The following SLC36A1 variants were observed in gnomAD, a reference collection of about 807,000 sequenced individuals.
The protein encoded by SLC36A1 is proton-coupled amino acid transporter 1.
In SLC36A1, 30 loss-of-function variants were observed where a neutral mutation model predicts 47.5. The observed-to-expected ratio is 0.63, with a 90% CI of 0.47 to 0.86. SLC36A1 has a LOEUF of 0.86. Ranked by LOEUF, SLC36A1 falls within the 40% of genes least tolerant of loss-of-function variation. SLC36A1 has a pLI of 0.00. For synonymous variants in SLC36A1, 255 were observed against 249.7 expected, an observed-to-expected ratio of 1.02 and a Z score of -0.20; for missense variants, 517 against 606.0, an observed-to-expected ratio of 0.85 and a Z score of 1.54.
chr5:151,399,149 C>T, the SLC36A1 span, among the ~76,000 whole-genome samples: 3 of 136,234 alleles, frequency 2.2e-5, no homozygotes, highest in South Asian at 2.3e-4. Flanking sequence ...TGCAGTGGTG[C>T]GATTTCGGCT....
At chr5:151,481,567 TC>T (rs1758805824) in intron 10 of SLC36A1, among the ~76,000 whole-genome samples, 1 of 152,194 alleles carries the variant, frequency 6.6e-6, no homozygotes, top group African/African-American at 2.4e-5. Flanking sequence ...TCTGGTGTTT[TC>T]CTATCTTTTC....
intron 9 of SLC36A1, 117 bp downstream of exon 9, chr5:151,476,873 AC>A (rs1467114571): frequency 1.5e-5 from 19 of 1,292,798 alleles, no homozygotes; most frequent in African/African-American, 4.4e-5. Context: ...ACTCTAGCCC[AC>A]CATCCCCTGC....
chr5:151,551,630 C>T, the SLC36A1 span: 35 of 1,613,110 alleles, frequency 2.2e-5, no homozygotes, highest in Non-Finnish European at 2.9e-5. Context: ...GGGGAGAAAG[C>T]ACACACAACC....
chr5:151,518,214 G>A, the SLC36A1 span, among the ~76,000 whole-genome samples: 2 of 151,914 alleles, frequency 1.3e-5, no homozygotes, highest in African/African-American at 2.4e-5. Context: ...CCTCATGCCT[G>A]TAACTCCAGT....
At chr5:151,428,422 C>T in the SLC36A1 span, among the ~76,000 whole-genome samples, 1 of 152,144 alleles carries the variant, frequency 6.6e-6, no homozygotes, top group Non-Finnish European at 1.5e-5. Context: ...GCTCCCAACT[C>T]ATTCCCCTGG....
chr5:151,367,361 A>ATTTTTTTTTTTTTTTTTTTTTTTT, the SLC36A1 span, among the ~76,000 whole-genome samples: 4 of 118,846 alleles, frequency 3.4e-5, no homozygotes, highest in Admixed American at 7.9e-5. Context: ...CCAGGAATGC[A>ATTTTTTTTTTTTTTTTTTTTTTTT]TTTTTTTTTT....
chr5:151,490,670 G>T lies in SLC36A1; in HGVS notation c.*2416G>T, dbSNP rs1216198684. On this transcript the variant is annotated 3_prime_UTR_variant, in exon 11 of 11. Coordinates refer to ENST00000243389, the MANE Select transcript of SLC36A1 (RefSeq NM_078483.4). ...GAAGCCAATTTGGCATGGCCTATTT[G>T]ATCTCTGGCTTGTGCTCCTGCTACA... The T allele has an allele frequency of 6.6e-6, 1 of 152,254 alleles. No homozygotes were observed. Among genetic ancestry groups the T allele is most frequent in the Non-Finnish European group, 1.5e-5 (1 of 68,084 alleles). The allele number at this position is 152,254 out of a possible 1,614,324, so 9.4% of individuals were successfully genotyped here.
At chr5:151,509,898 A>C in the SLC36A1 span, 2 of 1,136,230 alleles carry the variant, frequency 1.8e-6, no homozygotes, top group Non-Finnish European at 2.5e-6. Flanking sequence ...CAGATGGAAA[A>C]GGCCTAGAAG....
chr5:151,495,788 T>G (rs1050428524), downstream of SLC36A1, among the ~76,000 whole-genome samples: 1 of 152,140 alleles, frequency 6.6e-6, no homozygotes, highest in Non-Finnish European at 1.5e-5. Flanking sequence ...ATGTATCTTT[T>G]GGGGATTGGC....
At chr5:151,496,980 C>G (rs1397981844), downstream of SLC36A1, among the ~76,000 whole-genome samples, 1 of 152,072 alleles carries the variant, frequency 6.6e-6, no homozygotes, top group Non-Finnish European at 1.5e-5. Flanking sequence ...TATCCTGTGA[C>G]CTTTCTGTAC....
chr5:151,400,855 T>G, the SLC36A1 span, among the ~76,000 whole-genome samples: 1 of 152,196 alleles, frequency 6.6e-6, no homozygotes, highest in Non-Finnish European at 1.5e-5. Flanking sequence ...TTTGCCTACT[T>G]TTTAATGGGG....
chr5:151,506,987 T>A, the SLC36A1 span, among the ~76,000 whole-genome samples: 1 of 152,260 alleles, frequency 6.6e-6, no homozygotes, highest in Non-Finnish European at 1.5e-5. Context: ...ACCTGGTATC[T>A]GCTCCAGCAT....
At chr5:151,521,421 C>G in the SLC36A1 span, 4 of 1,614,210 alleles carry the variant, frequency 2.5e-6, no homozygotes, top group Non-Finnish European at 3.4e-6. Context: ...GGCAGGGCAC[C>G]ATGGGCATAG....
the SLC36A1 span, among the ~76,000 whole-genome samples, chr5:151,414,245 G>T: frequency 5.9e-5 from 9 of 152,202 alleles, no homozygotes; most frequent in Non-Finnish European, 4.4e-5. Context: ...CATTTAGGAT[G>T]GGTATGATTT....
chr5:151,402,514 T>A, the SLC36A1 span, among the ~76,000 whole-genome samples: 1 of 152,148 alleles, frequency 6.6e-6, no homozygotes, highest in Non-Finnish European at 1.5e-5. Flanking sequence ...ATAGAATGAG[T>A]TAGGGAGGAG....
chr5:151,488,002 C>T lies in SLC36A1; in HGVS notation c.1179C>T (p.Ile393=), dbSNP rs747809212. 5.6e-6 allele frequency: 9 copies of T among 1,614,096 alleles called. No homozygotes were observed. Among genetic ancestry groups the T allele is most frequent in the Non-Finnish European group, 7.6e-6 (9 of 1,180,014 alleles). ...CTGCAGGCATCTTGGCCATCCTCAT[C>T]CCCCGCCTGGACCTGGTCATCTCCC... is the stretch of plus-strand genomic sequence containing the variant. The part of the protein sequence containing the change: ...VCLTCILAIL[I]PRLDLVISLV... Residue 393 remains isoleucine, a synonymous_variant, in exon 11 of 11, where the codon ATC becomes ATT. Coordinates refer to ENST00000243389, the MANE Select transcript of SLC36A1 (RefSeq NM_078483.4).
the SLC36A1 span, chr5:151,545,274 A>G: frequency 6.2e-7 from 1 of 1,614,188 alleles, no homozygotes; most frequent in South Asian, 1.1e-5. Flanking sequence ...TTACCAGCGC[A>G]GTGTCTTGAT....
At chr5:151,375,391 G>C in the SLC36A1 span, among the ~76,000 whole-genome samples, 2 of 151,998 alleles carry the variant, frequency 1.3e-5, no homozygotes, top group Non-Finnish European at 2.9e-5. Context: ...TCTATTTCTG[G>C]GTTCTTTATT....
the SLC36A1 span, among the ~76,000 whole-genome samples, chr5:151,556,050 C>G: frequency 6.6e-6 from 1 of 152,204 alleles, no homozygotes; most frequent in African/African-American, 2.4e-5. Context: ...GAGGGATGGA[C>G]TGGACTCGGT....
Sources: allele counts gnomAD v4.1 joint callset (sites outside exome capture counted in the v4.1 genomes callset), GRCh38; gene constraint gnomAD v4.1.1; transcripts MANE v1.5; gene names NCBI Gene and HGNC (gene_info 2026-07-23, HGNC 2026-07-21).